KANSL1L: variants seen among roughly 807,000 people sequenced by gnomAD.
KANSL1L encodes the protein KAT8 regulatory NSL complex subunit 1-like protein.
A neutral mutation model predicts 108.6 loss-of-function variants in KANSL1L; 25 were observed. That is an observed-to-expected ratio of 0.23 (90% CI 0.17 to 0.32). The LOEUF (loss-of-function observed/expected upper bound fraction) is 0.32, where lower values mean the gene tolerates loss of function less well. Ranked by LOEUF, KANSL1L falls within the 10% of genes least tolerant of loss-of-function variation. KANSL1L has a pLI of 1.00. For synonymous variants in KANSL1L, 405 were observed against 395.1 expected (o/e 1.03, Z -0.30); for missense variants, 1,137 against 1,125.7 (o/e 1.01, Z -0.14).
intron 4 of KANSL1L, among the ~76,000 whole-genome samples, chr2:210,101,448 T>G (rs1179475227): frequency 1.3e-5 from 2 of 152,188 alleles, no homozygotes; most frequent in Non-Finnish European, 2.9e-5. Flanking sequence ...ATCTTAGAAT[T>G]AATTTAAACA....
intron 5 of KANSL1L, chr2:210,096,665 T>C: frequency 1.0e-6 from 1 of 981,652 alleles, no homozygotes; most frequent in Non-Finnish European, 1.2e-6. Flanking sequence ...TCACCTACAT[T>C]ATGACTTTCC....
chr2:210,152,166 C>A (rs887541082), intron 2 of KANSL1L: 11 of 152,120 alleles, frequency 7.2e-5, no homozygotes, highest in Non-Finnish European at 1.3e-4. Flanking sequence ...GAGTGTTGTG[C>A]CCCTGTATGT....
chr2:210,042,733 A>T (rs1480008866), intron 7 of KANSL1L, among the ~76,000 whole-genome samples: 1 of 152,224 alleles, frequency 6.6e-6, no homozygotes, highest in East Asian at 1.9e-4. Flanking sequence ...TTATTGTTAT[A>T]TGGATTATTA....
intron 6 of KANSL1L, among the ~76,000 whole-genome samples, chr2:210,047,645 T>C (rs1289796300): frequency 2.0e-5 from 3 of 152,238 alleles, no homozygotes; most frequent in African/African-American, 7.2e-5. Flanking sequence ...AATAATCATT[T>C]AATAGTTTTT....
intron 4 of KANSL1L, among the ~76,000 whole-genome samples, chr2:210,103,476 A>T (rs749737236): frequency 1.8e-4 from 28 of 152,032 alleles, no homozygotes; most frequent in Non-Finnish European, 3.7e-4. Flanking sequence ...TAATAATAAT[A>T]AAAAAAAGTC....
intron 1 of KANSL1L, among the ~76,000 whole-genome samples, chr2:210,162,222 G>GTATATATATATATATATA (rs71043976): frequency 0.04 from 4,254 of 107,060 alleles, 229 homozygotes; most frequent in Middle Eastern, 0.057. Flanking sequence ...AGTGGTTCAG[G>GTATATATATATATATATA]TATATATATA....
At chr2:210,053,416 G>C (rs1272355511) in intron 6 of KANSL1L, among the ~76,000 whole-genome samples, 1 of 152,118 alleles carries the variant, frequency 6.6e-6, no homozygotes, top group Non-Finnish European at 1.5e-5. Flanking sequence ...GGCCAACATG[G>C]TGAGACCTTG....
intron 6 of KANSL1L, among the ~76,000 whole-genome samples, chr2:210,060,842 T>C (rs1461250904): frequency 6.6e-6 from 1 of 152,262 alleles, no homozygotes; most frequent in Non-Finnish European, 1.5e-5. Flanking sequence ...GTGAGTGTCC[T>C]GCAAATAAAG....
chr2:210,037,353 G>T (rs1454475554), intron 8 of KANSL1L, among the ~76,000 whole-genome samples: 1 of 152,048 alleles, frequency 6.6e-6, no homozygotes, highest in Non-Finnish European at 1.5e-5. Context: ...TGCTATTAGA[G>T]ACATTCTTAA....
intron 12 of KANSL1L, among the ~76,000 whole-genome samples, chr2:210,025,960 G>C (rs1221454334): frequency 1.3e-5 from 2 of 152,168 alleles, no homozygotes; most frequent in Non-Finnish European, 2.9e-5. Context: ...ATTCATTCAG[G>C]AGTTTTTATG....
intron 6 of KANSL1L, among the ~76,000 whole-genome samples, chr2:210,058,709 C>T (rs1002427622): frequency 2.6e-5 from 4 of 151,812 alleles, no homozygotes; most frequent in South Asian, 2.1e-4. Flanking sequence ...TGGTGGCGGG[C>T]GCCTGTAGTC....
intron 2 of KANSL1L, among the ~76,000 whole-genome samples, chr2:210,135,256 C>T (rs1481944899): frequency 6.6e-6 from 1 of 152,116 alleles, no homozygotes; most frequent in Non-Finnish European, 1.5e-5. Context: ...GAGGACTTTA[C>T]CCAATGAATG....
intron 8 of KANSL1L, 65 bp from the exon 9 acceptor site, chr2:210,031,611 CTG>C: frequency 3.8e-6 from 4 of 1,065,992 alleles, no homozygotes; most frequent in Non-Finnish European, 5.2e-6. Context: ...ACATGTCAAT[CTG>C]TTTTTATTTG....
intron 3 of KANSL1L, among the ~76,000 whole-genome samples, chr2:210,118,520 C>T (rs1186472185): frequency 2.1e-5 from 3 of 144,696 alleles, no homozygotes; most frequent in African/African-American, 7.7e-5. Context: ...TTTTAACAAA[C>T]CAAAAATGAG....
chr2:210,104,447 C>T, intron 3 of KANSL1L, 146 bp from the exon 4 acceptor site: 1 of 621,960 alleles, frequency 1.6e-6, no homozygotes, highest in Middle Eastern at 4.4e-4. Context: ...CTGTAAAGAA[C>T]TGGCTGGTTT....
chr2:210,034,881 A>G (rs779956609), intron 8 of KANSL1L, among the ~76,000 whole-genome samples: 53 of 152,204 alleles, frequency 3.5e-4, no homozygotes, highest in Non-Finnish European at 7.5e-4. Context: ...TTGAAATAGA[A>G]CAAAAAATTT....
chr2:210,042,819 T>C (rs1055883274), intron 7 of KANSL1L, among the ~76,000 whole-genome samples: 1 of 152,176 alleles, frequency 6.6e-6, no homozygotes, highest in African/African-American at 2.4e-5. Flanking sequence ...AAGGTAATGG[T>C]GTAGCTAAGA....
intron 2 of KANSL1L, among the ~76,000 whole-genome samples, chr2:210,137,362 T>A (rs952119998): frequency 1.3e-5 from 2 of 152,220 alleles, no homozygotes; most frequent in African/African-American, 4.8e-5. Flanking sequence ...AAGCTTGACC[T>A]TGATCATTTC....
Position 210,153,761 on chromosome 2 carries a change from T to C in KANSL1L, c.822A>G (p.Thr274=). The C allele has an allele frequency of 6.2e-7, 1 of 1,611,648 alleles. No homozygotes were observed. The highest frequency in any genetic ancestry group is 8.5e-7 in the Non-Finnish European group (1 of 1,179,196). ...CCAAAATTGTGGTAGGTTCATGAAA[T>C]GTCTTCATTTTGGGGAGTTGATGTT... ...SMKHQLPKMK[T]FHEPTTILGN... Residue 274 remains threonine, a synonymous_variant, in exon 2 of 15, where the codon ACA becomes ACG. Coordinates refer to ENST00000281772, the MANE Select transcript of KANSL1L (RefSeq NM_152519.4).
Sources: gnomAD v4.1 joint callset for allele counts (sites outside exome capture counted in the v4.1 genomes callset) on GRCh38, gnomAD v4.1.1 for gene constraint, MANE v1.5 for transcripts, NCBI Gene and HGNC (gene_info 2026-07-23, HGNC 2026-07-21) for gene names.